RBFOX1: variants seen among roughly 807,000 people sequenced by gnomAD.
RBFOX1 encodes RNA binding fox-1 homolog 1.
A neutral mutation model predicts 57.7 loss-of-function variants in RBFOX1; 8 were observed. The ratio of observed to expected loss-of-function variants is 0.14; its 90% confidence interval spans 0.08 to 0.25. RBFOX1 has a LOEUF of 0.25. RBFOX1 is among the 10% of genes least tolerant of loss of function. RBFOX1 has a pLI of 1.00. For missense variants in RBFOX1, 611 were observed against 548.5 expected (o/e 1.11, Z -1.14); for synonymous variants, 326 against 222.4 (o/e 1.47, Z -4.15).
intron 4 of RBFOX1, among the ~76,000 whole-genome samples, chr16:5,961,799 G>A (rs1329284974): frequency 6.6e-6 from 1 of 152,104 alleles, no homozygotes; most frequent in Non-Finnish European, 1.5e-5. Flanking sequence ...AAGCACTGGG[G>A]TTGCATGCAT....
chr16:7,053,979 C>A (rs2051022048), intron 4 of RBFOX1, among the ~76,000 whole-genome samples: 2 of 152,008 alleles, frequency 1.3e-5, no homozygotes, highest in South Asian at 2.1e-4. Flanking sequence ...GGAGTTTTCC[C>A]TTCCCACGTG....
chr16:6,672,175 A>C (rs1387744378), intron 3 of RBFOX1, among the ~76,000 whole-genome samples: 1 of 152,224 alleles, frequency 6.6e-6, no homozygotes, highest in Non-Finnish European at 1.5e-5. Flanking sequence ...TCTTTTATTT[A>C]GTTTCTATTT....
intron 1 of RBFOX1, among the ~76,000 whole-genome samples, chr16:6,198,803 T>G (rs953508547): frequency 7.9e-5 from 12 of 152,054 alleles, no homozygotes; most frequent in African/African-American, 2.7e-4. Flanking sequence ...AATACTAATA[T>G]AAACAAAATT....
At chr16:6,959,057 T>C (rs1010660731) in intron 3 of RBFOX1, among the ~76,000 whole-genome samples, 3 of 152,188 alleles carry the variant, frequency 2.0e-5, no homozygotes, top group African/African-American at 7.2e-5. Flanking sequence ...ACCATCTAAG[T>C]AATATTATAG....
chr16:6,610,031 A>G (rs1301216749), intron 2 of RBFOX1, among the ~76,000 whole-genome samples: 1 of 151,498 alleles, frequency 6.6e-6, no homozygotes, highest in Non-Finnish European at 1.5e-5. Context: ...ACAAAACAAA[A>G]CAAAACAAAA....
chr16:6,750,973 G>A (rs528744975), intron 3 of RBFOX1, among the ~76,000 whole-genome samples: 56 of 152,056 alleles, frequency 3.7e-4, no homozygotes, highest in Non-Finnish European at 7.1e-4. Context: ...TGATATGAAG[G>A]TGCCAACTGG....
At chr16:6,081,271 C>G (rs950705629) in intron 1 of RBFOX1, among the ~76,000 whole-genome samples, 1 of 152,150 alleles carries the variant, frequency 6.6e-6, no homozygotes, top group African/African-American at 2.4e-5. Context: ...TTCAGCTCAG[C>G]CAAGATCATC....
intron 3 of RBFOX1, among the ~76,000 whole-genome samples, chr16:6,717,641 A>G (rs1477374652): frequency 6.6e-6 from 1 of 151,466 alleles, no homozygotes; most frequent in African/African-American, 2.4e-5. Context: ...TCCTGGATCG[A>G]CTCTCTGTCA....
rs1384189674 is a variant in RBFOX1 at position 5,349,589 on chromosome 16, C to A, written c.219+109484C>A. On this transcript the variant is annotated intron_variant, in intron 1 of 2. Transcript: ENST00000585867. ...TCAGGAGGCGGAGGCAGGAGAATCGCTTGAAACAGGGAGGCGGAGGTTTCA... is the reference window on the plus strand; with the variant it reads ...TCAGGAGGCGGAGGCAGGAGAATCGATTGAAACAGGGAGGCGGAGGTTTCA... 2.3e-5 allele frequency among the ~76,000 whole-genome samples: 3 copies of A among 128,170 alleles called. No homozygotes were observed. In the East Asian group the frequency reaches 7.0e-4, roughly 30 times the overall value. The allele number at this position is 128,170 out of a possible 152,430, so 84.1% of individuals were successfully genotyped here. A position where few individuals can be genotyped will look rare whatever the true frequency, so the allele number is the denominator to read the frequency against.
intron 3 of RBFOX1, among the ~76,000 whole-genome samples, chr16:6,947,220 G>A (rs2079720902): frequency 6.6e-6 from 1 of 152,104 alleles, no homozygotes; most frequent in Admixed American, 6.5e-5. Context: ...CTGTCTTTTA[G>A]GAATTGGCCA....
At chr16:5,641,093 C>T (rs1040288559) in intron 3 of RBFOX1, among the ~76,000 whole-genome samples, 3 of 150,336 alleles carry the variant, frequency 2.0e-5, no homozygotes, top group African/African-American at 7.4e-5. Flanking sequence ...ACATGCACAC[C>T]ATGCATACAC....
At chr16:5,323,816 G>T (rs572313721) in intron 1 of RBFOX1, among the ~76,000 whole-genome samples, 15 of 152,218 alleles carry the variant, frequency 9.9e-5, no homozygotes, top group African/African-American at 1.4e-4. Flanking sequence ...CCAGGGTTCT[G>T]TGCCAACTGG....
intron 3 of RBFOX1, among the ~76,000 whole-genome samples, chr16:6,996,132 C>T (rs573790014): frequency 6.6e-6 from 1 of 152,166 alleles, no homozygotes; most frequent in Non-Finnish European, 1.5e-5. Flanking sequence ...TTTATTGTAT[C>T]CTAATTATCT....
chr16:5,475,486 C>G (rs1265294708), intron 2 of RBFOX1, among the ~76,000 whole-genome samples: 1 of 152,224 alleles, frequency 6.6e-6, no homozygotes, highest in Non-Finnish European at 1.5e-5. Flanking sequence ...GCACCTTCTT[C>G]CAACCTCTTC....
At chr16:6,594,691 T>C (rs1215998870) in intron 2 of RBFOX1, among the ~76,000 whole-genome samples, 1 of 21,332 alleles carries the variant, frequency 4.7e-5, no homozygotes, top group Non-Finnish European at 6.5e-4. Context: ...CGCTCATCTT[T>C]GTACTTTTTT....
chr16:5,528,565 T>TTTTTC (rs1555457752), intron 2 of RBFOX1, among the ~76,000 whole-genome samples: 1 of 135,316 alleles, frequency 7.4e-6, no homozygotes, highest in African/African-American at 2.9e-5. Flanking sequence ...TTTTTTTTTT[T>TTTTTC]CTGGCTTCTT....
chr16:7,218,145 C>A (rs904694272), intron 4 of RBFOX1, among the ~76,000 whole-genome samples: 1 of 152,042 alleles, frequency 6.6e-6, no homozygotes, highest in Non-Finnish European at 1.5e-5. Flanking sequence ...ATCATCCCAC[C>A]TTGCTGACTC....
chr16:7,517,694 C>T (rs1249071728), intron 4 of RBFOX1, among the ~76,000 whole-genome samples: 2 of 152,056 alleles, frequency 1.3e-5, no homozygotes, highest in African/African-American at 4.8e-5. Flanking sequence ...ATTGTCTCTC[C>T]TCTCAAGAAC....
chr16:5,425,187 C>T (rs757156614), intron 1 of RBFOX1, among the ~76,000 whole-genome samples: 8 of 151,416 alleles, frequency 5.3e-5, no homozygotes, highest in Non-Finnish European at 1.0e-4. Context: ...CTCACTGCAA[C>T]CTCCGACTCC....
Sources: allele counts gnomAD v4.1 joint callset (sites outside exome capture counted in the v4.1 genomes callset), GRCh38; gene constraint gnomAD v4.1.1; transcripts MANE v1.5; gene names NCBI Gene and HGNC (gene_info 2026-07-23, HGNC 2026-07-21).